The following HDAC9 variants were observed in gnomAD, a reference collection of about 807,000 sequenced individuals.
HDAC9 encodes the protein MEF-2 interacting transcription repressor (MITR) protein.
In HDAC9, 41 loss-of-function variants were observed where a neutral mutation model predicts 139.4. The observed-to-expected ratio is 0.29, with a 90% confidence interval of 0.23 to 0.38. HDAC9 has a LOEUF of 0.38. HDAC9 is among the 10% of genes least tolerant of loss of function. The pLI, the probability that HDAC9 is intolerant of heterozygous loss-of-function variation, is 1.00. For synonymous variants in HDAC9, 517 were observed against 476.2 expected (o/e 1.09, Z -1.12); for missense variants, 1,147 against 1,297.0 (o/e 0.88, Z 1.78).
chr7:18,223,828 G>C (rs1792873166), intron 2 of HDAC9, among the ~76,000 whole-genome samples: 1 of 152,032 alleles, frequency 6.6e-6, no homozygotes, highest in East Asian at 1.9e-4. Flanking sequence ...ATATCTAAGG[G>C]AAAGTCTCCC....
At chr7:18,196,427 A>G (rs1267315079) in intron 2 of HDAC9, among the ~76,000 whole-genome samples, 1 of 152,200 alleles carries the variant, frequency 6.6e-6, no homozygotes, top group African/African-American at 2.4e-5. Context: ...TGAGATTGGG[A>G]TGGAATAGGC....
chr7:18,958,064 C>T (rs1783283050), intron 24 of HDAC9, among the ~76,000 whole-genome samples: 1 of 152,120 alleles, frequency 6.6e-6, no homozygotes, highest in Non-Finnish European at 1.5e-5. Context: ...TGCGTTGGCT[C>T]CTTGCCTGGC....
chr7:18,684,298 CA>C (rs1369233542), intron 12 of HDAC9, among the ~76,000 whole-genome samples: 4 of 150,590 alleles, frequency 2.7e-5, no homozygotes, highest in Admixed American at 1.3e-4. Context: ...GACCAGAAAA[CA>C]ATATTTGATC....
intron 5 of HDAC9, among the ~76,000 whole-genome samples, chr7:18,593,045 G>A (rs1221783740): frequency 6.6e-6 from 1 of 152,070 alleles, no homozygotes; most frequent in African/African-American, 2.4e-5. Context: ...CTTCAGTAGA[G>A]TCCAACTGCA....
chr7:18,143,860 G>C (rs1008963670), intron 1 of HDAC9, among the ~76,000 whole-genome samples: 1 of 151,826 alleles, frequency 6.6e-6, no homozygotes, highest in African/African-American at 2.4e-5. Flanking sequence ...GGCTGTGCAT[G>C]ATGTATTCTT....
chr7:18,976,007 T>A (rs965388322), intron 25 of HDAC9, 54 bp downstream of exon 25: 12 of 1,557,242 alleles, frequency 7.7e-6, no homozygotes, highest in East Asian at 2.3e-5. Context: ...AGGCTCATCG[T>A]TGATATTTGT....
At chr7:18,992,078 C>A (rs1585512553) in intron 25 of HDAC9, among the ~76,000 whole-genome samples, 1 of 152,186 alleles carries the variant, frequency 6.6e-6, no homozygotes, top group Non-Finnish European at 1.5e-5. Context: ...ACTATGGCAG[C>A]CATGCTGCAT....
Position 18,574,387 on chromosome 7 carries a change from T to A in HDAC9, c.23-10894T>A, listed in dbSNP as rs561985215. 1.4e-3 allele frequency among the ~76,000 whole-genome samples: 209 copies of A among 152,344 alleles called. 2 individuals carry two copies. Among genetic ancestry groups the A allele is most frequent in the Middle Eastern group, 6.8e-3 (2 of 294 alleles). ...AGTCTGGCTGAGTCCAGGGTCGTTA[T>A]GCGCTTCAGAGGAGGGGAAGTATGT... On this transcript the variant is annotated intron_variant, in intron 2 of 25. Transcript: ENST00000686413.
intron 2 of HDAC9, among the ~76,000 whole-genome samples, chr7:18,174,417 T>C (rs1173009465): frequency 6.6e-6 from 1 of 152,206 alleles, no homozygotes; most frequent in Non-Finnish European, 1.5e-5. Context: ...CTTGGAGAAG[T>C]TTGTTATTAC....
At chr7:18,640,233 A>G (rs1785137590) in intron 8 of HDAC9, among the ~76,000 whole-genome samples, 1 of 150,828 alleles carries the variant, frequency 6.6e-6, no homozygotes, top group Non-Finnish European at 1.5e-5. Context: ...CCCTGTCTCT[A>G]CAGGGAGAAA....
chr7:18,114,149 G>A (rs1783812744), intron 1 of HDAC9, among the ~76,000 whole-genome samples: 1 of 152,178 alleles, frequency 6.6e-6, no homozygotes, highest in Non-Finnish European at 1.5e-5. Context: ...TTAATTTATG[G>A]TTGCAAGATG....
intron 14 of HDAC9, among the ~76,000 whole-genome samples, chr7:18,752,032 T>G (rs538401977): frequency 6.6e-6 from 1 of 152,244 alleles, no homozygotes; most frequent in East Asian, 1.9e-4. Flanking sequence ...TTTGACAAAT[T>G]AAGTATATAT....
At chr7:18,719,271 C>A (rs1443895786) in intron 12 of HDAC9, among the ~76,000 whole-genome samples, 2 of 148,834 alleles carry the variant, frequency 1.3e-5, no homozygotes, top group Non-Finnish European at 3.0e-5. Context: ...TTATGGTGTC[C>A]TTTGAAGCAC....
chr7:18,720,597 C>T (rs567518769), intron 12 of HDAC9, among the ~76,000 whole-genome samples: 1 of 150,282 alleles, frequency 6.7e-6, no homozygotes, highest in African/African-American at 2.4e-5. Flanking sequence ...AATATATGAC[C>T]TGAAAGTAAA....
intron 1 of HDAC9, among the ~76,000 whole-genome samples, chr7:18,424,571 C>A (rs994928068): frequency 6.6e-6 from 1 of 152,042 alleles, no homozygotes. Context: ...ATGACTTTTA[C>A]AACAAAAAAA....
intron 16 of HDAC9, among the ~76,000 whole-genome samples, chr7:18,792,790 T>A (rs1427574529): frequency 6.6e-6 from 1 of 152,218 alleles, no homozygotes; most frequent in Non-Finnish European, 1.5e-5. Context: ...CACACACTCC[T>A]TCCATTTAGT....
At chr7:18,829,365 A>G in intron 18 of HDAC9, 96 bp from the exon 19 acceptor site, 1 of 1,118,868 alleles carries the variant, frequency 8.9e-7, no homozygotes, top group Non-Finnish European at 1.4e-6. Flanking sequence ...GGCTTCAGAG[A>G]TCATATAGCA....
At chr7:18,235,387 T>G (rs1793749876) in intron 2 of HDAC9, among the ~76,000 whole-genome samples, 1 of 151,776 alleles carries the variant, frequency 6.6e-6, no homozygotes, top group Admixed American at 6.6e-5. Context: ...AATGCACAAG[T>G]TTTGATTTGT....
At chr7:18,318,417 G>C (rs1051260086) in intron 1 of HDAC9, among the ~76,000 whole-genome samples, 2 of 152,132 alleles carry the variant, frequency 1.3e-5, no homozygotes, top group Non-Finnish European at 2.9e-5. Context: ...AATGCAGATG[G>C]CATTTGTTTC....
Sources: gnomAD v4.1 joint callset for allele counts (sites outside exome capture counted in the v4.1 genomes callset) on GRCh38, gnomAD v4.1.1 for gene constraint, MANE v1.5 for transcripts, NCBI Gene and HGNC (gene_info 2026-07-23, HGNC 2026-07-21) for gene names.